The following MYO1D variants were observed in gnomAD, a reference collection of about 807,000 sequenced individuals.
MYO1D encodes the protein unconventional myosin-Id.
In MYO1D, 83 loss-of-function variants were observed where a neutral mutation model predicts 122.0. That is an observed-to-expected ratio of 0.68 (90% CI 0.57 to 0.82). MYO1D has a LOEUF of 0.82. Among genes scored for constraint, MYO1D ranks in the 40% least tolerant of loss-of-function variants. The pLI is 0.00. For missense variants in MYO1D, 1,157 were observed against 1,269.5 expected (o/e 0.91, Z 1.35); for synonymous variants, 464 against 446.9 (o/e 1.04, Z -0.48).
intron 19 of MYO1D, among the ~76,000 whole-genome samples, chr17:32,644,304 T>C (rs894442574): frequency 1.1e-4 from 17 of 152,368 alleles, no homozygotes; most frequent in African/African-American, 3.8e-4. Flanking sequence ...TCTGTTCTTT[T>C]ACATTTGTTG....
chr17:32,574,232 G>A (rs4795707), intron 21 of MYO1D, among the ~76,000 whole-genome samples: 6,708 of 151,536 alleles, frequency 0.044, 163 homozygotes, highest in Admixed American at 0.07. Flanking sequence ...TTATCTCTCC[G>A]TACTTTACAG....
Position 32,765,050 on chromosome 17 carries a change from G to T in MYO1D, c.863C>A (p.Thr288Lys). The T allele has an allele frequency of 6.2e-7, 1 of 1,613,500 alleles. No individual in the cohort carries two copies. Among genetic ancestry groups the T allele is most frequent in the Non-Finnish European group, 8.5e-7 (1 of 1,179,674 alleles). Reference sequence around the variant, plus strand: ...TACTTTGCCATTCTCAATAAGAGGCGTGTCACCATCTACTACAAATTTTAA... The same window carrying T: ...TACTTTGCCATTCTCAATAAGAGGCTTGTCACCATCTACTACAAATTTTAA... ...GNLKFVVDGD[T>K]PLIENGKVVS... The change falls in exon 8 of 22, where the codon ACG (threonine) becomes AAG (lysine). Residue 288 changes from threonine to lysine, a missense_variant. Coordinates refer to ENST00000318217, the MANE Select transcript of MYO1D (RefSeq NM_015194.3).
intron 16 of MYO1D, among the ~76,000 whole-genome samples, chr17:32,660,986 G>A (rs185491103): frequency 1.3e-5 from 2 of 152,134 alleles, no homozygotes; most frequent in African/African-American, 4.8e-5. Flanking sequence ...AAGACTCCTT[G>A]GAGCCACATC....
At chr17:32,811,592 C>T (rs1429652259) in intron 1 of MYO1D, among the ~76,000 whole-genome samples, 1 of 140,556 alleles carries the variant, frequency 7.1e-6, no homozygotes, top group Non-Finnish European at 1.5e-5. Context: ...CCTCTAGCCA[C>T]ATTTATCTCC....
At chr17:32,582,923 G>T (rs1328003987) in intron 21 of MYO1D, among the ~76,000 whole-genome samples, 4 of 152,052 alleles carry the variant, frequency 2.6e-5, no homozygotes, top group Non-Finnish European at 5.9e-5. Context: ...TTTTTAAAAA[G>T]ATTTAATCAA....
intron 1 of MYO1D, among the ~76,000 whole-genome samples, chr17:32,820,097 A>C (rs951341444): frequency 1.3e-5 from 2 of 152,226 alleles, no homozygotes; most frequent in African/African-American, 4.8e-5. Context: ...AAGGCCATAG[A>C]AGGGTAGTTT....
At chr17:32,503,997 C>G (rs999049250) in intron 21 of MYO1D, among the ~76,000 whole-genome samples, 2 of 152,228 alleles carry the variant, frequency 1.3e-5, no homozygotes, top group African/African-American at 4.8e-5. Flanking sequence ...CAGGCCAAGT[C>G]CAGGAGTGGT....
intron 21 of MYO1D, among the ~76,000 whole-genome samples, chr17:32,533,868 T>C (rs1910583113): frequency 6.6e-6 from 1 of 152,244 alleles, no homozygotes; most frequent in African/African-American, 2.4e-5. Context: ...ATGCTCATCA[T>C]AGCATAAATT....
chr17:32,515,266 G>A (rs555576339), intron 21 of MYO1D, among the ~76,000 whole-genome samples: 1 of 152,302 alleles, frequency 6.6e-6, no homozygotes, highest in Non-Finnish European at 1.5e-5. Context: ...AAGGCTTGTC[G>A]ATTCCAGAAG....
intron 11 of MYO1D, among the ~76,000 whole-genome samples, chr17:32,753,138 C>T (rs192146810): frequency 1.5e-3 from 222 of 152,196 alleles, no homozygotes; most frequent in Admixed American, 5.8e-3. Context: ...AGGGGTAGAG[C>T]TGGAGGCCAT....
At chr17:32,531,182 T>A (rs1418737470) in intron 21 of MYO1D, 3 of 152,208 alleles carry the variant, frequency 2.0e-5, no homozygotes, top group Non-Finnish European at 2.9e-5. Context: ...AGACTTCCGT[T>A]GGGATTCATA....
chr17:32,753,459 A>C (rs1386249079), intron 11 of MYO1D, among the ~76,000 whole-genome samples: 1 of 152,196 alleles, frequency 6.6e-6, no homozygotes, highest in African/African-American at 2.4e-5. Context: ...ATACCAAAAG[A>C]AAGAGCCACT....
chr17:32,571,595 A>C (rs1057177595), intron 21 of MYO1D, among the ~76,000 whole-genome samples: 2 of 152,188 alleles, frequency 1.3e-5, no homozygotes, highest in African/African-American at 4.8e-5. Flanking sequence ...TCAAGAAAGG[A>C]AGTAGCCATT....
At chr17:32,706,751 T>C (rs969127303) in intron 16 of MYO1D, among the ~76,000 whole-genome samples, 3 of 152,094 alleles carry the variant, frequency 2.0e-5, no homozygotes, top group African/African-American at 4.8e-5. Flanking sequence ...GGCTGGAGTG[T>C]AGTGGCGCGA....
intron 16 of MYO1D, among the ~76,000 whole-genome samples, chr17:32,684,444 C>A (rs1463165267): frequency 6.6e-6 from 1 of 152,070 alleles, no homozygotes; most frequent in Non-Finnish European, 1.5e-5. Flanking sequence ...TTTATTTATT[C>A]CTGTATTTCC....
chr17:32,656,392 GC>G (rs147397238), intron 17 of MYO1D, among the ~76,000 whole-genome samples: 6,333 of 152,272 alleles, frequency 0.042, 214 homozygotes, highest in East Asian at 0.19. Context: ...TGATGGGGAA[GC>G]GGCTCACTCA....
chr17:32,637,036 A>G (rs1249965755), intron 20 of MYO1D, among the ~76,000 whole-genome samples: 1 of 152,240 alleles, frequency 6.6e-6, no homozygotes, highest in Non-Finnish European at 1.5e-5. Flanking sequence ...TATTAATAAC[A>G]ATTAGCAATG....
intron 1 of MYO1D, among the ~76,000 whole-genome samples, chr17:32,814,411 C>G (rs151142162): frequency 6.6e-6 from 1 of 152,190 alleles, no homozygotes; most frequent in East Asian, 1.9e-4. Context: ...TCTTTTTTTC[C>G]TACTGCACTT....
At chr17:32,543,802 T>C (rs1284397188) in intron 21 of MYO1D, among the ~76,000 whole-genome samples, 2 of 150,216 alleles carry the variant, frequency 1.3e-5, no homozygotes, top group African/African-American at 2.4e-5. Flanking sequence ...AAATCTTGCT[T>C]TTTTTTTTGA....
Sources: allele counts gnomAD v4.1 joint callset (sites outside exome capture counted in the v4.1 genomes callset), GRCh38; gene constraint gnomAD v4.1.1; transcripts MANE v1.5; gene names NCBI Gene and HGNC (gene_info 2026-07-23, HGNC 2026-07-21).